Variants in SEPTIN11 observed in about 807,000 individuals in gnomAD.
SEPTIN11 encodes the protein septin 11.
In SEPTIN11, 25 loss-of-function variants were observed where a neutral mutation model predicts 51.4. The ratio of observed to expected loss-of-function variants is 0.49; its 90% confidence interval spans 0.35 to 0.68. SEPTIN11 has a LOEUF of 0.68. Ranked by LOEUF, SEPTIN11 falls within the 30% of genes least tolerant of loss-of-function variation. The pLI is 0.00. For missense variants in SEPTIN11, 381 were observed against 520.8 expected (o/e 0.73, Z 2.61); for synonymous variants, 174 against 184.1 (o/e 0.95, Z 0.44).
chr4:76,998,377 G>C (rs971109221), intron 2 of SEPTIN11, among the ~76,000 whole-genome samples: 2 of 152,118 alleles, frequency 1.3e-5, no homozygotes, highest in Non-Finnish European at 2.9e-5. Context: ...GTGGCTTACA[G>C]TTCTGTAGGT....
In SEPTIN11 at chr4:77,003,399, G is replaced by A. The variant is rs146512476; in HGVS notation, c.143-2202G>A. 9.6e-3 allele frequency among the ~76,000 whole-genome samples: 1,461 copies of A among 152,272 alleles called. 10 individuals are homozygous for A. Among genetic ancestry groups the A allele is most frequent in the Middle Eastern group, 0.017 (5 of 294 alleles). ...ATAATTATAAATTAGAGTCTGACTG[G>A]TATTATTCAGTCATGTTCTAGACCA... On this transcript the variant is annotated intron_variant, in intron 2 of 9. Transcript: ENST00000264893.
intron 1 of SEPTIN11, among the ~76,000 whole-genome samples, chr4:76,967,589 C>A (rs563376339): frequency 1.3e-5 from 2 of 152,344 alleles, no homozygotes; most frequent in South Asian, 4.1e-4. Context: ...GAAATTTCCA[C>A]ATCTGACAAT....
At chr4:77,010,694 T>C (rs1030862660) in intron 3 of SEPTIN11, among the ~76,000 whole-genome samples, 1 of 152,224 alleles carries the variant, frequency 6.6e-6, no homozygotes, top group East Asian at 1.9e-4. Flanking sequence ...GTTTAACTTA[T>C]GGGTATGGGA....
intron 1 of SEPTIN11, among the ~76,000 whole-genome samples, chr4:76,967,489 A>G (rs1722080741): frequency 6.6e-6 from 1 of 152,172 alleles, no homozygotes; most frequent in Non-Finnish European, 1.5e-5. Context: ...AACACATGCC[A>G]CCTCTTGGCT....
At chr4:76,961,995 A>G (rs1446863849) in intron 1 of SEPTIN11, among the ~76,000 whole-genome samples, 1 of 152,238 alleles carries the variant, frequency 6.6e-6, no homozygotes, top group Non-Finnish European at 1.5e-5. Context: ...TTGCTTCTAA[A>G]TGAGATGCTT....
At chr4:77,015,247 T>TA (rs1725137665) in intron 5 of SEPTIN11, among the ~76,000 whole-genome samples, 1 of 152,148 alleles carries the variant, frequency 6.6e-6, no homozygotes, top group Non-Finnish European at 1.5e-5. Flanking sequence ...CTCTAACAGT[T>TA]ACGATTTCTA....
downstream of SEPTIN11, chr4:77,039,903 G>GT (rs1727268097): frequency 4.6e-6 from 1 of 215,148 alleles, no homozygotes; most frequent in African/African-American, 2.4e-5. Context: ...AGTTAGTTCT[G>GT]TTTTTTGTAT....
chr4:76,950,000 A>G, intron 1 of SEPTIN11, 70 bp downstream of exon 1: 1 of 1,343,184 alleles, frequency 7.4e-7, no homozygotes, highest in Non-Finnish European at 9.5e-7. Flanking sequence ...GGGTGCGGTG[A>G]GGACCACAGG....
chr4:77,025,830 C>T (rs1476669281), intron 7 of SEPTIN11, among the ~76,000 whole-genome samples: 1 of 152,200 alleles, frequency 6.6e-6, no homozygotes, highest in Non-Finnish European at 1.5e-5. Flanking sequence ...AGCTGGCTCA[C>T]ATCCTAAGAC....
At chr4:76,974,522 C>CTG (rs1722397459) in intron 1 of SEPTIN11, 1 of 321,102 alleles carries the variant, frequency 3.1e-6, no homozygotes, top group Non-Finnish European at 6.1e-6. Flanking sequence ...TGCTTAAGAC[C>CTG]CATAGGCTCA....
At chr4:76,996,911 G>A (rs1351408062) in intron 2 of SEPTIN11, among the ~76,000 whole-genome samples, 3 of 99,850 alleles carry the variant, frequency 3.0e-5, no homozygotes, top group Non-Finnish European at 5.8e-5. Context: ...GAGGAGTCTT[G>A]CCCTGTTGCC....
intron 1 of SEPTIN11, among the ~76,000 whole-genome samples, chr4:76,953,210 G>A (rs565088658): frequency 1.3e-5 from 2 of 152,290 alleles, no homozygotes; most frequent in South Asian, 2.1e-4. Flanking sequence ...CATTTATTAA[G>A]CACCTGCTAT....
rs1725929106 is a variant in SEPTIN11, at chr4:77,024,059, CAT to C, written c.953+3390_953+3391del. On this transcript the variant is annotated intron_variant, in intron 7 of 9. Coordinates refer to ENST00000264893, the MANE Select transcript of SEPTIN11 (RefSeq NM_018243.4). The surrounding 1 kb of genome is among the most constrained non-coding windows in gnomAD (Gnocchi z 4.2). ...CTGGGCCCCACTTGTGTTTACAGTA[CAT>C]GTTTGTAAAACAGAGAGTGACCTCT... Among the ~76,000 whole-genome samples the C allele has an allele frequency of 1.3e-5, 2 of 152,148 alleles. No homozygotes were observed. The highest frequency in any genetic ancestry group is 2.1e-4 in the South Asian group (1 of 4,822).
intron 1 of SEPTIN11, among the ~76,000 whole-genome samples, chr4:76,961,273 T>G (rs963232758): frequency 6.6e-6 from 1 of 152,202 alleles, no homozygotes; most frequent in African/African-American, 2.4e-5. Context: ...TCCCAGGCTA[T>G]CTTTCGAAAT....
At chr4:76,988,283 T>G (rs1174548533) in intron 1 of SEPTIN11, among the ~76,000 whole-genome samples, 6 of 152,218 alleles carry the variant, frequency 3.9e-5, no homozygotes, top group Non-Finnish European at 7.3e-5. Flanking sequence ...TATGTATTTG[T>G]GACTATTTGA....
intron 1 of SEPTIN11, among the ~76,000 whole-genome samples, chr4:76,968,100 A>G (rs1722101399): frequency 6.6e-6 from 1 of 152,144 alleles, no homozygotes; most frequent in African/African-American, 2.4e-5. Flanking sequence ...TGGATTTTCT[A>G]TTTTTGGTTG....
intron 1 of SEPTIN11, among the ~76,000 whole-genome samples, chr4:76,989,975 C>T (rs1053184960): frequency 6.6e-6 from 1 of 152,064 alleles, no homozygotes; most frequent in Admixed American, 6.6e-5. Context: ...AAAGGTGGCA[C>T]GGACCCAAAG....
intron 1 of SEPTIN11, among the ~76,000 whole-genome samples, chr4:76,961,893 T>C (rs1260024523): frequency 6.6e-6 from 1 of 152,238 alleles, no homozygotes; most frequent in Non-Finnish European, 1.5e-5. Context: ...GGTCAGTAGT[T>C]TGTTTTCAAA....
chr4:77,035,439 C>G lies in SEPTIN11; in HGVS notation c.*927C>G. Reference sequence around the variant, plus strand: ...TACTTGTACTTCTAATAACATTTTTCATGAATCATGAGAAAATTTCCACAG... The same window carrying G: ...TACTTGTACTTCTAATAACATTTTTGATGAATCATGAGAAAATTTCCACAG... On this transcript the variant is annotated 3_prime_UTR_variant, in exon 10 of 10. Transcript: ENST00000264893. The G allele has an allele frequency of 1.0e-6, 1 of 985,330 alleles. No homozygotes were observed. The highest frequency in any genetic ancestry group is 1.2e-6 in the Non-Finnish European group (1 of 829,850). The allele number at this position is 985,330 out of a possible 1,614,324, so 61.0% of individuals were successfully genotyped here. A position where few individuals can be genotyped will look rare whatever the true frequency, so the allele number is the denominator to read the frequency against.
Sources: gnomAD v4.1 joint callset for allele counts (sites outside exome capture counted in the v4.1 genomes callset) on GRCh38, gnomAD v4.1.1 for gene constraint, Gnocchi (gnomAD v3.1) non-coding constraint, MANE v1.5 for transcripts, NCBI Gene and HGNC (gene_info 2026-07-23, HGNC 2026-07-21) for gene names.